Variants in EIF4E1B observed in about 807,000 individuals in gnomAD.
EIF4E1B encodes the protein eukaryotic translation initiation factor 4E type 1B.
In EIF4E1B, 22 loss-of-function variants were observed where a neutral mutation model predicts 31.3. The ratio of observed to expected loss-of-function variants is 0.70; its 90% CI spans 0.50 to 1.00. The LOEUF (loss-of-function observed/expected upper bound fraction) is 1.00. EIF4E1B is among the 50% of genes least tolerant of loss of function. EIF4E1B has a pLI of 0.00. For synonymous variants in EIF4E1B, 126 were observed against 120.2 expected (o/e 1.05, Z -0.31); for missense variants, 290 against 311.6 (o/e 0.93, Z 0.52).
In EIF4E1B at chr5:176,643,644, C is replaced by T. The variant is rs1169456790; in HGVS notation, c.206C>T (p.Ala69Val). 1.2e-6 allele frequency: 2 copies of T among 1,606,840 alleles called. No homozygotes were observed. The highest frequency in any genetic ancestry group is 1.7e-6 in the Non-Finnish European group (2 of 1,176,570). Residue 69 changes from alanine (A) to valine (V), a missense_variant, in exon 5 of 9, where the codon GCT becomes GTT. Physicochemically the swap from Ala to Val is moderately conservative, Grantham distance 64 (BLOSUM62 0). Transcript: ENST00000318682. ...LELHPLQNRW[A>V]LWFFKNDRSR... is the part of the protein sequence containing the mutation. Reference sequence around the variant, plus strand: ...CCTCCCCCTTCCCCTACCAGGTGGGCTCTGTGGTTCTTCAAGAATGACCGC... The same window carrying T: ...CCTCCCCCTTCCCCTACCAGGTGGGTTCTGTGGTTCTTCAAGAATGACCGC...
At position 176,645,964 on chromosome 5, in the gene EIF4E1B, A is replaced by G. The variant is rs1361923332; in HGVS notation, c.713A>G (p.Asn238Ser). Residue 238 changes from asparagine (N) to serine (S), a missense_variant, in exon 9 of 9, where the codon AAC becomes AGC. Asn to Ser is a conservative substitution (Grantham distance 46). Transcript: ENST00000318682. The surrounding 1 kb of genome is among the most constrained non-coding windows in gnomAD (Gnocchi z 5.4). ...ACCAAGAGCAACTCCCTAGCCAAGA[A>G]CAAGTTTGTGGTGTGAGGGGGGCCT... is the stretch of plus-strand genomic sequence containing the variant. ...TATKSNSLAK[N>S]KFVV 1 of 1,607,460 alleles carries G rather than the reference A, an allele frequency of 6.2e-7. No homozygotes were observed. The highest frequency in any genetic ancestry group is 8.5e-7 in the Non-Finnish European group (1 of 1,176,920).
intron 1 of EIF4E1B, among the ~76,000 whole-genome samples, chr5:176,639,591 G>T (rs1470403328): frequency 2.0e-5 from 3 of 152,026 alleles, no homozygotes; most frequent in African/African-American, 7.2e-5. Context: ...GCCCGGTACT[G>T]GGGGGAGCCC....
chr5:176,644,307 G>C, intron 5 of EIF4E1B, 69 bp from the exon 6 acceptor site: 1 of 1,506,854 alleles, frequency 6.6e-7, no homozygotes, highest in Non-Finnish European at 9.0e-7. Flanking sequence ...AGTTGGGAGG[G>C]CTGAACCCAG....
At chr5:176,635,138 T>C (rs2113438835) in intron 1 of EIF4E1B, among the ~76,000 whole-genome samples, 1 of 151,832 alleles carries the variant, frequency 6.6e-6, no homozygotes, top group African/African-American at 2.4e-5. Context: ...ACTCCTGAGG[T>C]GCTGCAAACT....
At chr5:176,636,623 T>A (rs961301052) in intron 1 of EIF4E1B, among the ~76,000 whole-genome samples, 3 of 152,230 alleles carry the variant, frequency 2.0e-5, no homozygotes, top group African/African-American at 7.2e-5. Context: ...GCATTCCTGC[T>A]GTCCAGAGGC....
chr5:176,640,386 G>A (rs927551150), intron 1 of EIF4E1B, among the ~76,000 whole-genome samples: 31 of 152,224 alleles, frequency 2.0e-4, no homozygotes, highest in African/African-American at 7.0e-4. Flanking sequence ...CACATTGCAC[G>A]CTTGTGAGCA....
Position 176,645,813 on chromosome 5 carries a change from A to ACC in EIF4E1B, c.615-51_615-50dup. 6.9e-7 allele frequency: 1 copy of ACC among 1,458,432 alleles called. No homozygotes were observed. Among genetic ancestry groups the ACC allele is most frequent in the South Asian group, 1.3e-5 (1 of 78,344 alleles). The allele number at this position is 1,458,432 out of a possible 1,614,324, so 90.3% of individuals were successfully genotyped here. On this transcript the variant is annotated intron_variant, in intron 8 of 8. Transcript: ENST00000318682. The surrounding 1 kb of genome is among the most constrained non-coding windows in gnomAD (Gnocchi z 5.4). The stretch of plus-strand genomic sequence containing the variant: ...TCTGGTGGCCTAAGTTATCTCTAGG[A>ACC]CCCTCTGATGACTACCTGTGTCTCT...
chr5:176,633,764 A>G (rs1482335760), intron 1 of EIF4E1B, among the ~76,000 whole-genome samples: 1 of 152,216 alleles, frequency 6.6e-6, no homozygotes, highest in Non-Finnish European at 1.5e-5. Context: ...AGAGAGAAAG[A>G]AGATGAAATG....
At chr5:176,639,464 GACT>G (rs1760542103) in intron 1 of EIF4E1B, among the ~76,000 whole-genome samples, 1 of 152,144 alleles carries the variant, frequency 6.6e-6, no homozygotes, top group Admixed American at 6.5e-5. Context: ...CTCAATCCAA[GACT>G]CCAGGAGCTT....
At chr5:176,643,307 C>G (rs747859531) in intron 4 of EIF4E1B, 41 bp downstream of exon 4, 7 of 1,593,988 alleles carry the variant, frequency 4.4e-6, no homozygotes, top group Non-Finnish European at 5.1e-6. Flanking sequence ...CCCTTGCTTT[C>G]AGGCCAGCCT....
At chr5:176,639,639 C>T (rs1362113871) in intron 1 of EIF4E1B, among the ~76,000 whole-genome samples, 2 of 152,068 alleles carry the variant, frequency 1.3e-5, no homozygotes, top group Non-Finnish European at 2.9e-5. Context: ...GATTCCTGGC[C>T]GGCACAGTGG....
intron 3 of EIF4E1B, 79 bp from the exon 4 acceptor site, chr5:176,643,003 G>A (rs13176195): frequency 0.27 from 417,556 of 1,528,232 alleles, 59,724 homozygotes; most frequent in East Asian, 0.45. Flanking sequence ...CCCTCCTGGA[G>A]CAGGGGATGG....
At chr5:176,633,527 C>G (rs577253917) in intron 1 of EIF4E1B, among the ~76,000 whole-genome samples, 12 of 152,240 alleles carry the variant, frequency 7.9e-5, no homozygotes, top group Middle Eastern at 3.4e-3. Context: ...CCAGGCTGGT[C>G]TCGAACTCCT....
At position 176,642,072 on chromosome 5, in the gene EIF4E1B, C is replaced by G. The variant is rs115647917; in HGVS notation, c.-172C>G. ...GGAAACTGACTCGATGAAGCTCAGG[C>G]CTGGCCGCGGTCAGGGTAGAATCAG... On this transcript the variant is annotated 5_prime_UTR_variant, in exon 2 of 9. Transcript: ENST00000318682. The G allele has an allele frequency of 6.5e-6, 1 of 152,792 alleles. No individual in the cohort carries two copies. The highest frequency in any genetic ancestry group is 2.1e-4 in the South Asian group (1 of 4,826). The allele number at this position is 152,792 out of a possible 1,614,324, so 9.5% of individuals were successfully genotyped here.
At position 176,643,723 on chromosome 5, in the gene EIF4E1B, G is replaced by A. The variant is rs760507724; in HGVS notation, c.285G>A (p.Glu95=). 1 of 1,612,814 alleles carries A rather than the reference G, an allele frequency of 6.2e-7. No individual in the cohort carries two copies. Among genetic ancestry groups the A allele is most frequent in the African/African-American group, 1.3e-5 (1 of 75,058 alleles). ...LHLVTKVDTV[E]DFWALYSHIQ... is the part of the protein sequence containing the mutation. ...TGGTCACCAAGGTGGACACTGTGGAGGACTTCTGGGCGTGAGTGTCTGTCC... is the reference window on the plus strand; with the variant it reads ...TGGTCACCAAGGTGGACACTGTGGAAGACTTCTGGGCGTGAGTGTCTGTCC... Residue 95 remains glutamate (E), a synonymous_variant, in exon 5 of 9, where the codon GAG becomes GAA. Coordinates refer to ENST00000318682, the MANE Select transcript of EIF4E1B (RefSeq NM_001099408.2).
chr5:176,643,783 G>A (rs745323634), intron 5 of EIF4E1B, 49 bp downstream of exon 5: 7 of 1,566,696 alleles, frequency 4.5e-6, no homozygotes, highest in Non-Finnish European at 5.2e-6. Flanking sequence ...TCTGAGCTCT[G>A]GGCTCCCTCT....
rs371300385 is a variant in EIF4E1B at position 176,642,755 on chromosome 5, G to C, written c.-33G>C. ...GGGCTTGGTCACAGCTGCTTCCCCA[G>C]CCCCAGGCCTGCACGAAGAAGGCAC... is the stretch of plus-strand genomic sequence containing the variant. On this transcript the variant is annotated 5_prime_UTR_variant, in exon 3 of 9. Transcript: ENST00000318682. The C allele has an allele frequency of 6.4e-7, 1 of 1,554,660 alleles. No individual in the cohort carries two copies. Among genetic ancestry groups the C allele is most frequent in the Non-Finnish European group, 8.7e-7 (1 of 1,149,936 alleles).
chr5:176,642,861 C>CAT, intron 3 of EIF4E1B, 59 bp downstream of exon 3: 11 of 1,123,522 alleles, frequency 9.8e-6, no homozygotes, highest in South Asian at 1.9e-5. Flanking sequence ...TCCCCCCCCC[C>CAT]CCCCGCCCCA....
intron 1 of EIF4E1B, among the ~76,000 whole-genome samples, chr5:176,639,870 T>C (rs2113442871): frequency 6.6e-6 from 1 of 152,164 alleles, no homozygotes; most frequent in South Asian, 2.1e-4. Flanking sequence ...TGCAGTGAGC[T>C]ATGGTCATGC....
Sources: gnomAD v4.1 joint callset for allele counts (sites outside exome capture counted in the v4.1 genomes callset) on GRCh38, gnomAD v4.1.1 for gene constraint, Gnocchi (gnomAD v3.1) non-coding constraint, MANE v1.5 for transcripts, NCBI Gene and HGNC (gene_info 2026-07-23, HGNC 2026-07-21) for gene names.